BCAS3: variants seen among roughly 807,000 people sequenced by gnomAD.
BCAS3 encodes BCAS3 microtubule associated cell migration factor.
A neutral mutation model predicts 116.1 loss-of-function variants in BCAS3; 53 were observed. The ratio of observed to expected loss-of-function variants is 0.46; its 90% CI spans 0.37 to 0.57. The LOEUF (loss-of-function observed/expected upper bound fraction) is 0.57, where lower values mean the gene tolerates loss of function less well. BCAS3 is among the 20% of genes least tolerant of loss of function. The probability of loss-of-function intolerance (pLI) is 0.00; values close to 1 mark genes in which losing one functional copy is unlikely to be tolerated. For synonymous variants in BCAS3, 391 were observed against 408.2 expected (o/e 0.96, Z 0.51); for missense variants, 917 against 1,165.4 (o/e 0.79, Z 3.10).
chr17:60,888,042 T>C (rs1274220686), intron 9 of BCAS3, among the ~76,000 whole-genome samples: 3 of 152,192 alleles, frequency 2.0e-5, no homozygotes, highest in Non-Finnish European at 2.9e-5. Context: ...TTTCAGACTT[T>C]ACCTGGAGGC....
Position 61,307,431 on chromosome 17 carries a change from C to G in BCAS3, c.2426-60896C>G, listed in dbSNP as rs1301758466. On this transcript the variant is annotated intron_variant, in intron 22 of 23. Coordinates refer to ENST00000407086, the MANE Select transcript of BCAS3 (RefSeq NM_017679.5). This position sits in a 1 kb window ranked among gnomAD's most constrained non-coding sequence, Gnocchi z 4.7. ...AGAATCTAACCCATGTTTTCTTTTTCCCATTGCATTTACTACAGTTACAAC... is the reference window on the plus strand; with the variant it reads ...AGAATCTAACCCATGTTTTCTTTTTGCCATTGCATTTACTACAGTTACAAC... Among the ~76,000 whole-genome samples, 9 of 152,194 alleles carry G rather than the reference C, an allele frequency of 5.9e-5. No homozygotes were observed. The highest frequency in any genetic ancestry group is 5.2e-4 in the Admixed American group (8 of 15,286).
At position 60,898,306 on chromosome 17, in the gene BCAS3, C is replaced by A. The variant is rs541482516; in HGVS notation, c.739-4314C>A. On this transcript the variant is annotated intron_variant, in intron 10 of 23. Coordinates refer to ENST00000407086, the MANE Select transcript of BCAS3 (RefSeq NM_017679.5). ...TCCTGTGTCTTTACATTGATATTTG[C>A]ACATCAGGTGCAACAGTTACTTCTT... Among the ~76,000 whole-genome samples, 9 of 152,238 alleles carry A rather than the reference C, an allele frequency of 5.9e-5. No homozygotes were observed. In the East Asian group the frequency reaches 1.7e-3, roughly 29 times the overall value.
Position 61,388,380 on chromosome 17 carries a change from G to T in BCAS3, c.2594-3597G>T. 1 of 467,256 alleles carries T rather than the reference G, an allele frequency of 2.1e-6. No homozygotes were observed. Among genetic ancestry groups the T allele is most frequent in the Non-Finnish European group, 3.8e-6 (1 of 259,766 alleles). 28.9% of individuals were successfully genotyped at this position (467,256 alleles called of 1,614,324 possible). A position where few individuals can be genotyped will look rare whatever the true frequency, so the allele number is the denominator to read the frequency against. On this transcript the variant is annotated intron_variant, in intron 23 of 23. Coordinates refer to ENST00000407086, the MANE Select transcript of BCAS3 (RefSeq NM_017679.5). The surrounding 1 kb of genome is among the most constrained non-coding windows in gnomAD (Gnocchi z 6.5). ...GACTCCTCTCCCCCTCCCCCACTCT[G>T]AACGGGGTCTTGGCCCCCTCTGTCA...
intron 7 of BCAS3, among the ~76,000 whole-genome samples, chr17:60,862,073 G>A (rs957960528): frequency 2.6e-5 from 4 of 152,108 alleles, no homozygotes; most frequent in African/African-American, 9.7e-5. Flanking sequence ...CATGAGGTCA[G>A]GAGATTGAGA....
Position 61,095,084 on chromosome 17 carries a change from T to C in BCAS3, c.2425+10520T>C, listed in dbSNP as rs1343809181. ...ATAGTTTCAGATTCCACATTGCAAC[T>C]AATTTGTTAAGGATCATATCAAGGA... On this transcript the variant is annotated intron_variant, in intron 22 of 23. Coordinates refer to ENST00000407086, the MANE Select transcript of BCAS3 (RefSeq NM_017679.5). This position sits in a 1 kb window ranked among gnomAD's most constrained non-coding sequence, Gnocchi z 4.7. 6.6e-6 allele frequency among the ~76,000 whole-genome samples: 1 copy of C among 152,218 alleles called. No homozygotes were observed.
intron 6 of BCAS3, among the ~76,000 whole-genome samples, chr17:60,800,991 G>C (rs2144590707): frequency 6.6e-6 from 1 of 152,108 alleles, no homozygotes. Context: ...AAATATGATA[G>C]AGTGATTTCC....
At chr17:61,159,307 C>T (rs2078032158) in intron 22 of BCAS3, 2 of 151,652 alleles carry the variant, frequency 1.3e-5, no homozygotes, top group Non-Finnish European at 2.9e-5. Context: ...GATATTACCT[C>T]TGACAACAAT....
intron 13 of BCAS3, among the ~76,000 whole-genome samples, chr17:60,941,414 G>A (rs2060216045): frequency 6.6e-6 from 1 of 152,004 alleles, no homozygotes; most frequent in Non-Finnish European, 1.5e-5. Flanking sequence ...ATTTTAACTT[G>A]TTTTCTAGAA....
At chr17:61,210,546 A>G (rs1413681564) in intron 22 of BCAS3, among the ~76,000 whole-genome samples, 2 of 152,244 alleles carry the variant, frequency 1.3e-5, no homozygotes, top group South Asian at 2.1e-4. Flanking sequence ...GGGTAAGAGT[A>G]AGATAACATC....
chr17:60,929,714 C>G, intron 13 of BCAS3, among the ~76,000 whole-genome samples: 1 of 94,844 alleles, frequency 1.1e-5, no homozygotes, highest in East Asian at 3.9e-4. Context: ...TGCTATCCCT[C>G]CCCCCTCCCC....
At chr17:60,919,718 T>A (rs1053420582) in intron 12 of BCAS3, among the ~76,000 whole-genome samples, 2 of 151,846 alleles carry the variant, frequency 1.3e-5, no homozygotes, top group Non-Finnish European at 2.9e-5. Context: ...AAATTGGTAA[T>A]ACATAGGAAG....
rs568142181 is a variant in BCAS3, at chr17:60,904,803, GTTTAC to G, written c.822+2104_822+2108del. Among the ~76,000 whole-genome samples the G allele has an allele frequency of 2.2e-3, 330 of 152,262 alleles. 5 individuals carry two copies. Among genetic ancestry groups the G allele is most frequent in the Non-Finnish European group, 1.8e-4 (12 of 68,018 alleles). On this transcript the variant is annotated intron_variant, in intron 11 of 23. Coordinates refer to ENST00000407086, the MANE Select transcript of BCAS3 (RefSeq NM_017679.5). ...AGCCATGATTGCGTCACTGCAATCT[GTTTAC>G]TTTTCTTTTTGGGAGAATATAAGGG...
intron 6 of BCAS3, among the ~76,000 whole-genome samples, chr17:60,794,773 TTATAAAG>T (rs1228660189): frequency 3.9e-5 from 6 of 152,232 alleles, no homozygotes; most frequent in African/African-American, 1.4e-4. Context: ...GTACCTATTT[TTATAAAG>T]TACCACACTG....
chr17:61,200,954 A>G lies in BCAS3; in HGVS notation c.2425+116390A>G, dbSNP rs1350338403. ...GAGTCAGGACAGGTGTTTATTTTTA[A>G]TTCATACTCAGAAAGCACTGTTTAC... On this transcript the variant is annotated intron_variant, in intron 22 of 23. Coordinates refer to ENST00000407086, the MANE Select transcript of BCAS3 (RefSeq NM_017679.5). The surrounding 1 kb of genome is among the most constrained non-coding windows in gnomAD (Gnocchi z 5.1). Among the ~76,000 whole-genome samples, 1 of 152,142 alleles carries G rather than the reference A, an allele frequency of 6.6e-6. No individual in the cohort carries two copies. Among genetic ancestry groups the G allele is most frequent in the East Asian group, 1.9e-4 (1 of 5,198 alleles).
At chr17:61,042,814 C>T (rs556531792) in intron 19 of BCAS3, among the ~76,000 whole-genome samples, 11 of 139,936 alleles carry the variant, frequency 7.9e-5, no homozygotes, top group South Asian at 7.0e-4. Context: ...GACTTGAACC[C>T]GGGAGGTGGA....
intron 10 of BCAS3, among the ~76,000 whole-genome samples, chr17:60,898,859 C>T (rs1230442205): frequency 1.3e-5 from 2 of 151,862 alleles, no homozygotes; most frequent in Non-Finnish European, 1.5e-5. Context: ...TCTGGGGGTT[C>T]GGGAGGTAGT....
At chr17:60,705,028 A>G (rs892116081) in intron 4 of BCAS3, among the ~76,000 whole-genome samples, 2 of 152,068 alleles carry the variant, frequency 1.3e-5, no homozygotes, top group African/African-American at 4.8e-5. Context: ...CTCTATGGAA[A>G]GGATTGTCAA....
chr17:60,853,169 C>T (rs1048301138), intron 7 of BCAS3, among the ~76,000 whole-genome samples: 1 of 152,104 alleles, frequency 6.6e-6, no homozygotes, highest in Non-Finnish European at 1.5e-5. Flanking sequence ...CATATTACTC[C>T]GTAAAAGAAG....
chr17:61,123,030 C>T (rs1207571403), intron 22 of BCAS3, among the ~76,000 whole-genome samples: 1 of 151,786 alleles, frequency 6.6e-6, no homozygotes, highest in Non-Finnish European at 1.5e-5. Context: ...CAACCTCCTC[C>T]TCCCTGGTTT....
Sources: allele counts gnomAD v4.1 joint callset (sites outside exome capture counted in the v4.1 genomes callset), GRCh38; gene constraint gnomAD v4.1.1; non-coding constraint Gnocchi (gnomAD v3.1); transcripts MANE v1.5; gene names NCBI Gene and HGNC (gene_info 2026-07-23, HGNC 2026-07-21).